RSPO4: variants seen among roughly 807,000 people sequenced by gnomAD.
The protein encoded by RSPO4 is R-spondin 4, also known as R-spondin-4.
A neutral mutation model predicts 24.8 loss-of-function variants in RSPO4; 23 were observed. The ratio of observed to expected loss-of-function variants is 0.93; its 90% CI spans 0.67 to 1.31. The LOEUF is 1.31. Ranked by LOEUF, RSPO4 falls within the 40% of genes most tolerant of loss-of-function variation. RSPO4 has a pLI of 0.00. For synonymous variants in RSPO4, 141 were observed against 127.4 expected (o/e 1.11, Z -0.72); for missense variants, 333 against 316.5 (o/e 1.05, Z -0.39).
chr20:961,167 G>A (rs1249308615), intron 4 of RSPO4, among the ~76,000 whole-genome samples: 1 of 152,052 alleles, frequency 6.6e-6, no homozygotes, highest in Non-Finnish European at 1.5e-5. Context: ...GAGTTCTTCT[G>A]AGCAGTTGCC....
rs139999224 is a variant in RSPO4, at chr20:970,670, G to A, written c.80-2532C>T. On this transcript the variant is annotated intron_variant, in intron 1 of 4. Coordinates refer to ENST00000217260, the MANE Select transcript of RSPO4 (RefSeq NM_001029871.4). This position sits in a 1 kb window ranked among gnomAD's most constrained non-coding sequence, Gnocchi z 4.1. ...ATCCACTGAGAATTTAGCAGAGTCCGGACTTCTCACTCAGCAAAAGATTCA... is the reference window on the plus strand; with the variant it reads ...ATCCACTGAGAATTTAGCAGAGTCCAGACTTCTCACTCAGCAAAAGATTCA... Among the ~76,000 whole-genome samples the A allele has an allele frequency of 6.6e-6, 1 of 152,166 alleles. No homozygotes were observed. The highest frequency in any genetic ancestry group is 1.9e-4 in the East Asian group (1 of 5,182).
intron 4 of RSPO4, among the ~76,000 whole-genome samples, chr20:963,218 T>C (rs938647221): frequency 1.3e-5 from 2 of 152,164 alleles, no homozygotes; most frequent in Non-Finnish European, 2.9e-5. Context: ...GTCCCCCTGT[T>C]CCATCCAGTT....
chr20:969,226 G>A (rs1334621546), intron 1 of RSPO4, among the ~76,000 whole-genome samples: 1 of 152,264 alleles, frequency 6.6e-6, no homozygotes, highest in Non-Finnish European at 1.5e-5. Flanking sequence ...TAAGGTGGGA[G>A]GATCGCCTGA....
At chr20:963,112 T>A (rs1488701391) in intron 4 of RSPO4, among the ~76,000 whole-genome samples, 1 of 152,144 alleles carries the variant, frequency 6.6e-6, no homozygotes, top group African/African-American at 2.4e-5. Flanking sequence ...GAAATACGTG[T>A]AGTGGTCTTG....
chr20:992,190 C>T (rs746232316), intron 1 of RSPO4, among the ~76,000 whole-genome samples: 51 of 151,872 alleles, frequency 3.4e-4, no homozygotes, highest in Non-Finnish European at 5.7e-4. Flanking sequence ...CATACGCACA[C>T]GCACACGGAT....
chr20:979,171 C>T (rs959619128), intron 1 of RSPO4, among the ~76,000 whole-genome samples: 6 of 152,246 alleles, frequency 3.9e-5, no homozygotes, highest in African/African-American at 7.2e-5. Flanking sequence ...TGTCCCTACC[C>T]CGTTCCCTGC....
intron 1 of RSPO4, among the ~76,000 whole-genome samples, chr20:971,993 C>A (rs913856604): frequency 7.2e-5 from 11 of 152,214 alleles, no homozygotes; most frequent in African/African-American, 2.7e-4. Flanking sequence ...GTTCCAAGAG[C>A]AGTGGAGACT....
chr20:968,499 C>A (rs1006450286), intron 1 of RSPO4, among the ~76,000 whole-genome samples: 2 of 152,230 alleles, frequency 1.3e-5, no homozygotes, highest in Non-Finnish European at 2.9e-5. Context: ...GTGGAAAAAT[C>A]AGATAAAAAG....
chr20:963,457 G>T (rs1302666885), intron 4 of RSPO4, among the ~76,000 whole-genome samples: 1 of 152,128 alleles, frequency 6.6e-6, no homozygotes, highest in African/African-American at 2.4e-5. Context: ...TACTTGGGGC[G>T]CTGACCACGG....
At position 976,381 on chromosome 20, in the gene RSPO4, C is replaced by T. The variant is rs545665564; in HGVS notation, c.80-8243G>A. 3.3e-5 allele frequency among the ~76,000 whole-genome samples: 5 copies of T among 152,280 alleles called. No individual in the cohort carries two copies. The South Asian group carries it at 8.3e-4, about 25-fold the overall frequency. On this transcript the variant is annotated intron_variant, in intron 1 of 4. Coordinates refer to ENST00000217260, the MANE Select transcript of RSPO4 (RefSeq NM_001029871.4). ...CCTCTGGATGGTGAAGTGCTCAGGG[C>T]AGAGATACTAGCCAGCAGCTTTGGT... is the stretch of plus-strand genomic sequence containing the variant.
chr20:968,164 AG>A, intron 1 of RSPO4, 26 bp from the exon 2 acceptor site: 3 of 1,606,692 alleles, frequency 1.9e-6, no homozygotes, highest in Non-Finnish European at 1.7e-6. Flanking sequence ...GGGCAGAAGG[AG>A]GGGGAAAGGG....
chr20:963,623 C>T (rs1421205065), intron 4 of RSPO4, among the ~76,000 whole-genome samples: 1 of 152,120 alleles, frequency 6.6e-6, no homozygotes, highest in African/African-American at 2.4e-5. Flanking sequence ...CCACATTCTC[C>T]ATGAACTTCA....
rs1040361579 is a variant in RSPO4, at chr20:967,312, A to G, written c.271T>C (p.Cys91Arg). 2 of 1,614,006 alleles carry G rather than the reference A, an allele frequency of 1.2e-6. No homozygotes were observed. The highest frequency in any genetic ancestry group is 2.7e-5 in the African/African-American group (2 of 74,938). The change falls in exon 3 of 5, where the codon TGT becomes CGT. Residue 91 changes from cysteine (C) to arginine (R), a missense_variant and splice_region_variant. Physicochemically the swap from Cys to Arg is radical, Grantham distance 180. Coordinates refer to ENST00000217260, the MANE Select transcript of RSPO4 (RefSeq NM_001029871.4). ...AAGCAGCTCTCACAAGTGGCCCCAC[A>G]TTCTGTAATAGAGCCAGGGACACCC... The part of the protein sequence containing the change: ...RGQEVNRCKK[C>R]GATCESCFSQ...
intron 1 of RSPO4, among the ~76,000 whole-genome samples, chr20:985,960 G>C (rs1448288405): frequency 6.6e-6 from 1 of 152,222 alleles, no homozygotes; most frequent in Non-Finnish European, 1.5e-5. Flanking sequence ...ATGCAAAAGG[G>C]GTGGGGTCTG....
intron 1 of RSPO4, among the ~76,000 whole-genome samples, chr20:969,535 G>C (rs1010383023): frequency 1.3e-5 from 2 of 152,194 alleles, no homozygotes; most frequent in African/African-American, 2.4e-5. Context: ...TCTTTGAACA[G>C]AGAAAGGAGA....
At chr20:974,617 C>G (rs1028341068) in intron 1 of RSPO4, among the ~76,000 whole-genome samples, 1 of 152,192 alleles carries the variant, frequency 6.6e-6, no homozygotes, top group Non-Finnish European at 1.5e-5. Flanking sequence ...AGGCTCACAT[C>G]CCCACAAGAG....
chr20:990,477 CCTT>C lies in RSPO4; in HGVS notation c.79+11606_79+11608del, dbSNP rs1158815339. 9.2e-5 allele frequency among the ~76,000 whole-genome samples: 14 copies of C among 151,902 alleles called. No homozygotes were observed. The East Asian group carries it at 2.5e-3, about 27-fold the overall frequency. ...CTCTTTTCTTTTTCCTTCCTTCCTT[CCTT>C]CTTTCCTTCCTTCCCTCCTTCTTTC... On this transcript the variant is annotated intron_variant, in intron 1 of 4. Coordinates refer to ENST00000217260, the MANE Select transcript of RSPO4 (RefSeq NM_001029871.4).
intron 3 of RSPO4, among the ~76,000 whole-genome samples, chr20:964,795 T>TACACACACACACACACACACAC (rs1327859655): frequency 9.2e-6 from 1 of 108,540 alleles, no homozygotes; most frequent in Non-Finnish European, 1.7e-5. Context: ...TATACACATA[T>TACACACACACACACACACACAC]ATACACACAT....
At position 970,513 on chromosome 20, in the gene RSPO4, G is replaced by C. The variant is rs955352203; in HGVS notation, c.80-2375C>G. On this transcript the variant is annotated intron_variant, in intron 1 of 4. Transcript: ENST00000217260. This position sits in a 1 kb window ranked among gnomAD's most constrained non-coding sequence, Gnocchi z 4.1. The stretch of plus-strand genomic sequence containing the variant: ...ATTGCCCTCAATTTTCTTGCCCTGG[G>C]ATAAGAAACTGCAACAGGAGAGCAG... Among the ~76,000 whole-genome samples the C allele has an allele frequency of 1.3e-5, 2 of 152,148 alleles. No individual in the cohort carries two copies. Among genetic ancestry groups the C allele is most frequent in the South Asian group, 4.1e-4 (2 of 4,824 alleles).
Sources: allele counts gnomAD v4.1 joint callset (sites outside exome capture counted in the v4.1 genomes callset), GRCh38; gene constraint gnomAD v4.1.1; non-coding constraint Gnocchi (gnomAD v3.1); transcripts MANE v1.5; gene names NCBI Gene and HGNC (gene_info 2026-07-23, HGNC 2026-07-21).